The following TRNAU1AP variants were observed in gnomAD, a reference collection of about 807,000 sequenced individuals.
TRNAU1AP encodes the protein tRNA selenocysteine 1 associated protein 1, also known as tRNA selenocysteine 1-associated protein 1.
TRNAU1AP carries 33 observed loss-of-function variants against 43.3 expected under a neutral mutation model. That is an observed-to-expected ratio of 0.76 (90% confidence interval 0.58 to 1.02). The LOEUF is 1.02. TRNAU1AP is among the 50% of genes least tolerant of loss of function. The probability of loss-of-function intolerance (pLI) is 0.00; values close to 1 mark genes in which losing one functional copy is unlikely to be tolerated. For synonymous variants in TRNAU1AP, 143 were observed against 129.1 expected (o/e 1.11, Z -0.73); for missense variants, 290 against 362.7 (o/e 0.80, Z 1.63).
chr1:28,561,722 G>A (rs531864393), intron 4 of TRNAU1AP, among the ~76,000 whole-genome samples: 1 of 152,302 alleles, frequency 6.6e-6, no homozygotes, highest in East Asian at 1.9e-4. Flanking sequence ...CAGATTGCCT[G>A]AGCCTAGGAG....
chr1:28,564,695 C>G lies in TRNAU1AP; in HGVS notation c.279-8C>G. ...TTGCCTCTGAATCTTCTTGTTCTCT[C>G]TCCTCAGCCCTGAGTATTCCCTCTT... is the stretch of plus-strand genomic sequence containing the variant. On this transcript the variant is annotated splice_region_variant and splice_polypyrimidine_tract_variant and intron_variant, in intron 4 of 8. Transcript: ENST00000373830. 2 of 1,608,634 alleles carry G rather than the reference C, an allele frequency of 1.2e-6. 1 individual carries two copies. The highest frequency in any genetic ancestry group is 2.2e-5 in the South Asian group (2 of 90,060).
chr1:28,568,078 C>T (rs999943528), intron 6 of TRNAU1AP, among the ~76,000 whole-genome samples: 13 of 152,120 alleles, frequency 8.5e-5, no homozygotes, highest in African/African-American at 2.7e-4. Flanking sequence ...GCAGGAGAAT[C>T]GCTTGAACCT....
chr1:28,560,851 C>T, intron 3 of TRNAU1AP, 119 bp downstream of exon 3: 1 of 948,272 alleles, frequency 1.1e-6, no homozygotes, highest in Non-Finnish European at 1.5e-6. Flanking sequence ...TTACAGTAGG[C>T]ATTGTTATCT....
chr1:28,573,120 G>A (rs1269366190), intron 8 of TRNAU1AP, among the ~76,000 whole-genome samples: 1 of 140,938 alleles, frequency 7.1e-6, no homozygotes, highest in Admixed American at 7.3e-5. Flanking sequence ...CTGCAAGCCC[G>A]CCTCCCGGGT....
At chr1:28,557,410 ACT>A (rs1220136419) in intron 2 of TRNAU1AP, among the ~76,000 whole-genome samples, 1 of 147,330 alleles carries the variant, frequency 6.8e-6, no homozygotes, top group Non-Finnish European at 1.5e-5. Context: ...ACAAAGTGAG[ACT>A]CTGTCTCAAA....
At chr1:28,563,985 T>G (rs1181280845) in intron 4 of TRNAU1AP, among the ~76,000 whole-genome samples, 10 of 151,548 alleles carry the variant, frequency 6.6e-5, no homozygotes, top group Admixed American at 6.6e-4. Flanking sequence ...GTTTAAGAGG[T>G]TGGGTATGGT....
intron 2 of TRNAU1AP, 108 bp from the exon 3 acceptor site, chr1:28,560,525 C>G: frequency 1.2e-6 from 1 of 811,614 alleles, no homozygotes; most frequent in East Asian, 2.6e-5. Context: ...ATCCACCTGC[C>G]TTGGCCTCCC....
At chr1:28,565,861 T>C (rs1665526484) in intron 5 of TRNAU1AP, 1 of 152,132 alleles carries the variant, frequency 6.6e-6, no homozygotes, top group African/African-American at 2.4e-5. Context: ...ATGGTAGTTA[T>C]ATGCTCAGGC....
Position 28,564,700 on chromosome 1 carries a change from C to T in TRNAU1AP, c.279-3C>T, listed in dbSNP as rs375056793. The stretch of plus-strand genomic sequence containing the variant: ...TCTGAATCTTCTTGTTCTCTCTCCT[C>T]AGCCCTGAGTATTCCCTCTTTGTGG... On this transcript the variant is annotated splice_region_variant and splice_polypyrimidine_tract_variant and intron_variant, in intron 4 of 8. Transcript: ENST00000373830. 5 of 1,612,292 alleles carry T rather than the reference C, an allele frequency of 3.1e-6. No homozygotes were observed. Among genetic ancestry groups the T allele is most frequent in the African/African-American group, 1.3e-5 (1 of 74,862 alleles).
At chr1:28,570,350 C>T (rs1360014220) in intron 6 of TRNAU1AP, among the ~76,000 whole-genome samples, 3 of 151,908 alleles carry the variant, frequency 2.0e-5, no homozygotes, top group Non-Finnish European at 2.9e-5. Flanking sequence ...CAGGTTCAAG[C>T]GATTCTCCTG....
intron 6 of TRNAU1AP, among the ~76,000 whole-genome samples, chr1:28,567,713 T>G (rs554662852): frequency 6.6e-6 from 1 of 152,328 alleles, no homozygotes; most frequent in African/African-American, 2.4e-5. Flanking sequence ...GTCCCTGTTC[T>G]TTGCCCAGTA....
chr1:28,566,328 A>AG (rs1557435551), intron 5 of TRNAU1AP, among the ~76,000 whole-genome samples: 1 of 150,660 alleles, frequency 6.6e-6, no homozygotes, highest in East Asian at 2.0e-4. Context: ...AAAAAAAAAA[A>AG]AAAGAAGAGC....
Position 28,577,595 on chromosome 1 carries a change from C to T in TRNAU1AP, c.823C>T (p.Pro275Ser), listed in dbSNP as rs561613532. 6.2e-6 allele frequency: 10 copies of T among 1,613,992 alleles called. No individual in the cohort carries two copies. The highest frequency in any genetic ancestry group is 8.5e-6 in the Non-Finnish European group (10 of 1,180,008). The part of the protein sequence containing the change: ...YDALMDCHWQ[P>S]LDTVSSEIPA... ...CGCTCTGATGGACTGTCACTGGCAG[C>T]CCCTGGACACAGTGTCTTCAGAGAT... Residue 275 changes from proline to serine, a missense_variant, in exon 9 of 9, where the codon CCC becomes TCC. By Grantham distance (74) the Pro-to-Ser change is moderately conservative (BLOSUM62 -1). Transcript: ENST00000373830.
At chr1:28,553,563 G>C in intron 1 of TRNAU1AP, 77 bp from the exon 2 acceptor site, 1 of 1,416,066 alleles carries the variant, frequency 7.1e-7, no homozygotes, top group East Asian at 2.3e-5. Flanking sequence ...GCCCTGGGCT[G>C]AACGGGAGGG....
Position 28,553,663 on chromosome 1 carries a change from C to A in TRNAU1AP, c.51C>A (p.Asn17Lys). ...AGCTGGAACCCTACATGGATGAGAA[C>A]TTCATCTCCAGAGCCTTTGCCACCA... ...MGDLEPYMDE[N>K]FISRAFATMG... Residue 17 changes from asparagine to lysine, a missense_variant, in exon 2 of 9, where the codon AAC (asparagine) becomes AAA (lysine). Transcript: ENST00000373830. 6.2e-7 allele frequency: 1 copy of A among 1,614,150 alleles called. No homozygotes were observed. Among genetic ancestry groups the A allele is most frequent in the Non-Finnish European group, 8.5e-7 (1 of 1,180,022 alleles).
chr1:28,556,098 T>C (rs1294435379), intron 2 of TRNAU1AP, among the ~76,000 whole-genome samples: 2 of 152,046 alleles, frequency 1.3e-5, no homozygotes, highest in Non-Finnish European at 2.9e-5. Context: ...GTGATCCGCC[T>C]GCCTTGGCCT....
rs984509633 is a variant in TRNAU1AP at position 28,571,960 on chromosome 1, A to G, written c.727+60A>G. 10 of 1,436,972 alleles carry G rather than the reference A, an allele frequency of 7.0e-6. No homozygotes were observed. The Admixed American group carries it at 8.4e-5, about 12-fold the overall frequency. 89.0% of individuals were successfully genotyped at this position (1,436,972 alleles called of 1,614,324 possible). Reference sequence around the variant, plus strand: ...TTATCAGGTGACTGCTGTGGCTGGCACTGTGCTCTCAGCTAGAGGGAAGAC... The same window carrying G: ...TTATCAGGTGACTGCTGTGGCTGGCGCTGTGCTCTCAGCTAGAGGGAAGAC... On this transcript the variant is annotated intron_variant, in intron 8 of 8. Coordinates refer to ENST00000373830, the MANE Select transcript of TRNAU1AP (RefSeq NM_017846.5).
At chr1:28,564,462 T>C (rs1299451607) in intron 4 of TRNAU1AP, among the ~76,000 whole-genome samples, 1 of 152,212 alleles carries the variant, frequency 6.6e-6, no homozygotes, top group Non-Finnish European at 1.5e-5. Flanking sequence ...ACATCTGCAC[T>C]CATGTAATAC....
Position 28,560,745 on chromosome 1 carries a change from A to G in TRNAU1AP, c.225+13A>G, listed in dbSNP as rs374374301. On this transcript the variant is annotated intron_variant, in intron 3 of 8. Coordinates refer to ENST00000373830, the MANE Select transcript of TRNAU1AP (RefSeq NM_017846.5). ...AGGAGCCACACCTGTAAGGACATTTAGATAATGATGATGTTGCCATTATTA... is the reference window on the plus strand; with the variant it reads ...AGGAGCCACACCTGTAAGGACATTTGGATAATGATGATGTTGCCATTATTA... The G allele has an allele frequency of 7.1e-5, 112 of 1,587,460 alleles. No individual in the cohort carries two copies. The highest frequency in any genetic ancestry group is 9.3e-5 in the Non-Finnish European group (108 of 1,156,606).
Sources: allele counts gnomAD v4.1 joint callset (sites outside exome capture counted in the v4.1 genomes callset), GRCh38; gene constraint gnomAD v4.1.1; transcripts MANE v1.5; gene names NCBI Gene and HGNC (gene_info 2026-07-23, HGNC 2026-07-21).